CKAP5: variants seen among roughly 807,000 people sequenced by gnomAD.
CKAP5 encodes the protein cytoskeleton associated protein 5.
In CKAP5, 27 loss-of-function variants were observed where a neutral mutation model predicts 232.8. The ratio of observed to expected loss-of-function variants is 0.12; its 90% CI spans 0.09 to 0.16. CKAP5 has a LOEUF of 0.16. Ranked by LOEUF, CKAP5 falls within the 10% of genes least tolerant of loss-of-function variation. CKAP5 has a pLI of 1.00. For synonymous variants in CKAP5, 785 were observed against 841.1 expected (o/e 0.93, Z 1.16); for missense variants, 1,838 against 2,424.7 (o/e 0.76, Z 5.08).
At chr11:46,823,752 C>T (rs1939595226) in intron 1 of CKAP5, among the ~76,000 whole-genome samples, 1 of 152,146 alleles carries the variant, frequency 6.6e-6, no homozygotes, top group Non-Finnish European at 1.5e-5. Flanking sequence ...TCCCAAGGAG[C>T]TGGGACTACA....
chr11:46,830,779 A>G (rs1406263459), intron 1 of CKAP5, among the ~76,000 whole-genome samples: 2 of 152,092 alleles, frequency 1.3e-5, no homozygotes, highest in East Asian at 1.9e-4. Flanking sequence ...ATTATTAACC[A>G]TGGGCCGGGG....
At chr11:46,752,186 A>ATC (rs1257056395) in intron 38 of CKAP5, among the ~76,000 whole-genome samples, 1 of 84,194 alleles carries the variant, frequency 1.2e-5, no homozygotes, top group African/African-American at 3.7e-5. Flanking sequence ...ATATATATAT[A>ATC]TATATATACA....
At position 46,751,329 on chromosome 11, in the gene CKAP5, T is replaced by C. The variant is rs766678557; in HGVS notation, c.5322+17A>G. 22 of 1,613,834 alleles carry C rather than the reference T, an allele frequency of 1.4e-5. No individual in the cohort carries two copies. The highest frequency in any genetic ancestry group is 1.6e-4 in the Middle Eastern group (1 of 6,082). On this transcript the variant is annotated intron_variant, in intron 39 of 43. Transcript: ENST00000529230. ...TCTCTCAAGCTCCCTCAGAGACCAG[T>C]TGCGATTCTTACTCACCTTGGGCCC...
intron 9 of CKAP5, among the ~76,000 whole-genome samples, chr11:46,800,618 C>T (rs1939003977): frequency 6.9e-6 from 1 of 145,336 alleles, no homozygotes; most frequent in African/African-American, 2.8e-5. Context: ...TGGAAACAAA[C>T]TTATACAAAT....
Position 46,760,788 on chromosome 11 carries a change from T to G in CKAP5, c.4222-4A>C. On this transcript the variant is annotated splice_region_variant and splice_polypyrimidine_tract_variant and intron_variant, in intron 32 of 43. Coordinates refer to ENST00000529230, the MANE Select transcript of CKAP5 (RefSeq NM_001008938.4). ...TGCTCATATCCTTTTCAGAAAGCTG[T>G]AAAGAGGCCAAATTTAGAAACCTAA... is the stretch of plus-strand genomic sequence containing the variant. The G allele has an allele frequency of 6.2e-7, 1 of 1,610,734 alleles. No homozygotes were observed. Among genetic ancestry groups the G allele is most frequent in the Non-Finnish European group, 8.5e-7 (1 of 1,178,752 alleles).
chr11:46,777,640 AG>A lies in CKAP5; in HGVS notation c.2749-89del, dbSNP rs2065303015. 1.6e-5 allele frequency: 13 copies of A among 811,426 alleles called. No individual in the cohort carries two copies. In the South Asian group the frequency reaches 1.7e-4, roughly 11 times the overall value. The allele number at this position is 811,426 out of a possible 1,614,324, so 50.3% of individuals were successfully genotyped here. On this transcript the variant is annotated intron_variant, in intron 22 of 43. Coordinates refer to ENST00000529230, the MANE Select transcript of CKAP5 (RefSeq NM_001008938.4). ...AAATTTGCTGCTATACTGTCAATAC[AG>A]CAGGAGATTTTTGGCCTACTCAAGA...
intron 42 of CKAP5, among the ~76,000 whole-genome samples, chr11:46,748,302 G>C (rs545563664): frequency 5.3e-5 from 8 of 152,308 alleles, no homozygotes; most frequent in African/African-American, 1.9e-4. Context: ...CAGTAATACA[G>C]ATGAGAGAGA....
chr11:46,803,356 C>A lies in CKAP5; in HGVS notation c.979-2052G>T, dbSNP rs183235603. Among the ~76,000 whole-genome samples the A allele has an allele frequency of 2.4e-3, 361 of 151,954 alleles. 2 individuals are homozygous for A. The highest frequency in any genetic ancestry group is 0.014 in the South Asian group (68 of 4,794). ...TGATCTCAGCTCACCGCAACCTCCC[C>A]CTCCCAGGTTCAAGCGATCTTCCCA... On this transcript the variant is annotated intron_variant, in intron 8 of 43. Transcript: ENST00000529230.
At chr11:46,763,981 A>G (rs906916588) in intron 28 of CKAP5, among the ~76,000 whole-genome samples, 1 of 152,098 alleles carries the variant, frequency 6.6e-6, no homozygotes, top group African/African-American at 2.4e-5. Context: ...GACTACAGAC[A>G]TGCACCACTA....
At chr11:46,814,087 G>A (rs201441529) in intron 4 of CKAP5, among the ~76,000 whole-genome samples, 1 of 134,878 alleles carries the variant, frequency 7.4e-6, no homozygotes, top group Admixed American at 8.5e-5. Context: ...AGCTGAGATC[G>A]TACCACTGCA....
Position 46,760,638 on chromosome 11 carries a change from T to C in CKAP5, c.4368A>G (p.Pro1456=), listed in dbSNP as rs2065146282. The C allele has an allele frequency of 4.3e-6, 7 of 1,614,098 alleles. No homozygotes were observed. The East Asian group carries it at 1.6e-4, about 36-fold the overall frequency. The stretch of plus-strand genomic sequence containing the variant: ...TGAGTTTGGAAGACATGTCCTCAGC[T>C]GGTCCCTTGCGTAACATGTTGGCAT... The part of the protein sequence containing the change: ...SSNANMLRKG[P]AEDMSSKLNQ... Residue 1456 remains proline, a synonymous_variant, in exon 33 of 44, where the codon CCA becomes CCG. Transcript: ENST00000529230.
chr11:46,750,977 C>T (rs2065060228), intron 40 of CKAP5, 141 bp downstream of exon 40: 1 of 967,574 alleles, frequency 1.0e-6, no homozygotes, highest in African/African-American at 1.6e-5. Flanking sequence ...GGTTACTGCA[C>T]CACAGCAGGA....
intron 24 of CKAP5, among the ~76,000 whole-genome samples, chr11:46,771,299 G>T (rs2065246100): frequency 6.6e-6 from 1 of 152,146 alleles, no homozygotes. Flanking sequence ...TATTTAGCTA[G>T]AAGACCCAAA....
intron 27 of CKAP5, 31 bp from the exon 28 acceptor site, chr11:46,765,287 G>T: frequency 6.4e-7 from 1 of 1,569,048 alleles, no homozygotes; most frequent in Non-Finnish European, 8.6e-7. Flanking sequence ...ATACTGATTA[G>T]CTTGGCCACT....
chr11:46,830,156 A>G (rs1386269314), intron 1 of CKAP5, among the ~76,000 whole-genome samples: 1 of 151,952 alleles, frequency 6.6e-6, no homozygotes, highest in Non-Finnish European at 1.5e-5. Flanking sequence ...ATTAGAATAG[A>G]GTAGGCCGGG....
At chr11:46,819,536 A>G (rs896755069) in intron 2 of CKAP5, among the ~76,000 whole-genome samples, 1 of 152,202 alleles carries the variant, frequency 6.6e-6, no homozygotes, top group Non-Finnish European at 1.5e-5. Context: ...AAGCATTAGT[A>G]AAGAATTAGA....
chr11:46,766,076 T>G (rs2065200378), intron 27 of CKAP5, among the ~76,000 whole-genome samples: 1 of 152,156 alleles, frequency 6.6e-6, no homozygotes, highest in African/African-American at 2.4e-5. Flanking sequence ...AATCTTCATA[T>G]CAGATAGAAA....
At position 46,765,259 on chromosome 11, in the gene CKAP5, A is replaced by G. The variant is rs370913473; in HGVS notation, c.3412-3T>C. 1 of 1,607,442 alleles carries G rather than the reference A, an allele frequency of 6.2e-7. No individual in the cohort carries two copies. The highest frequency in any genetic ancestry group is 8.5e-7 in the Non-Finnish European group (1 of 1,177,312). On this transcript the variant is annotated splice_polypyrimidine_tract_variant and splice_region_variant and intron_variant, in intron 27 of 43. Coordinates refer to ENST00000529230, the MANE Select transcript of CKAP5 (RefSeq NM_001008938.4). ...GGCATCTTCTTCCCTTGTGCACTCT[A>G]CAACCAAGGTTCAGGGAATACTGAT...
chr11:46,773,614 C>A (rs756939486), intron 24 of CKAP5, among the ~76,000 whole-genome samples: 1 of 151,478 alleles, frequency 6.6e-6, no homozygotes, highest in Non-Finnish European at 1.5e-5. Context: ...GTGATCTCAG[C>A]TCACTGCAAC....
Sources: gnomAD v4.1 joint callset for allele counts (sites outside exome capture counted in the v4.1 genomes callset) on GRCh38, gnomAD v4.1.1 for gene constraint, MANE v1.5 for transcripts, NCBI Gene and HGNC (gene_info 2026-07-23, HGNC 2026-07-21) for gene names.